SORCS2: variants seen among roughly 807,000 people sequenced by gnomAD.
SORCS2 encodes sortilin related VPS10 domain containing receptor 2.
In SORCS2, 100 loss-of-function variants were observed where a neutral mutation model predicts 141.6. The ratio of observed to expected loss-of-function variants is 0.71; its 90% CI spans 0.60 to 0.83. SORCS2 has a LOEUF of 0.83. Ranked by LOEUF, SORCS2 falls within the 40% of genes least tolerant of loss-of-function variation. The pLI is 0.00. For missense variants in SORCS2, 1,646 were observed against 1,560.2 expected (o/e 1.05, Z -0.93); for synonymous variants, 789 against 676.9 (o/e 1.17, Z -2.57).
intron 3 of SORCS2, among the ~76,000 whole-genome samples, chr4:7,633,569 A>G (rs544072888): frequency 1.5e-5 from 2 of 136,318 alleles, no homozygotes; most frequent in Non-Finnish European, 3.1e-5. Flanking sequence ...TGGTTTTGCA[A>G]TGTGAAAGAA....
At chr4:7,476,191 A>T (rs1730279573) in intron 2 of SORCS2, among the ~76,000 whole-genome samples, 2 of 152,258 alleles carry the variant, frequency 1.3e-5, no homozygotes, top group African/African-American at 4.8e-5. Context: ...AAGCTAGAGG[A>T]CAGGTACTCA....
chr4:7,512,260 T>G (rs553337461), intron 2 of SORCS2, among the ~76,000 whole-genome samples: 7 of 149,904 alleles, frequency 4.7e-5, no homozygotes, highest in Non-Finnish European at 1.0e-4. Flanking sequence ...CATCTCGAAG[T>G]CCAGCCCAGG....
At chr4:7,434,017 A>G (rs781204981) in intron 2 of SORCS2, 2 of 1,612,460 alleles carry the variant, frequency 1.2e-6, no homozygotes, top group East Asian at 2.2e-5. Context: ...ACCGGCCTTC[A>G]TCTGCATCTC....
chr4:7,282,444 A>T (rs969860697), intron 1 of SORCS2, among the ~76,000 whole-genome samples: 1 of 152,344 alleles, frequency 6.6e-6, no homozygotes, highest in Non-Finnish European at 1.5e-5. Context: ...AGAACTCAGG[A>T]TCACAGGGTA....
rs773694567 is a variant in SORCS2 at position 7,734,340 on chromosome 4, G to A, written c.3277G>A (p.Ala1093Thr). The A allele has an allele frequency of 1.4e-5, 22 of 1,588,500 alleles. No individual in the cohort carries two copies. The highest frequency in any genetic ancestry group is 3.5e-5 in the South Asian group (3 of 85,508). Residue 1093 changes from alanine to threonine, a missense_variant, in exon 25 of 27, where the codon GCA (alanine) becomes ACA (threonine). Transcript: ENST00000507866. ...VVVLFVIGLF[A>T]AGAFILYKFK... ...GGTGCTGTTTGTCATCGGGCTCTTC[G>A]CAGCGGGAGCCTTCATCCTCTACAA...
intron 9 of SORCS2, among the ~76,000 whole-genome samples, chr4:7,680,052 G>T (rs1466719885): frequency 1.3e-5 from 2 of 152,178 alleles, no homozygotes; most frequent in Admixed American, 6.6e-5. Flanking sequence ...AAGCCCTCTG[G>T]GTGATGTCCC....
intron 3 of SORCS2, among the ~76,000 whole-genome samples, chr4:7,602,946 C>T (rs1381216290): frequency 2.0e-5 from 3 of 152,250 alleles, no homozygotes; most frequent in Non-Finnish European, 4.4e-5. Context: ...CACTCGCGGT[C>T]AGGAGCTGGA....
chr4:7,263,401 C>A (rs1000668233), intron 1 of SORCS2, among the ~76,000 whole-genome samples: 1 of 151,904 alleles, frequency 6.6e-6, no homozygotes, highest in African/African-American at 2.4e-5. Context: ...AAGAAAGCAC[C>A]CGTCATTCTG....
intron 17 of SORCS2, among the ~76,000 whole-genome samples, chr4:7,717,126 T>C (rs1726243933): frequency 6.6e-6 from 1 of 152,188 alleles, no homozygotes; most frequent in South Asian, 2.1e-4. Flanking sequence ...CCACCCCTTT[T>C]AGGGATCTCC....
At chr4:7,603,768 G>A (rs1413176752) in intron 3 of SORCS2, among the ~76,000 whole-genome samples, 2 of 151,968 alleles carry the variant, frequency 1.3e-5, no homozygotes, top group African/African-American at 2.4e-5. Context: ...CCTGATCTGC[G>A]GGGATTCTCT....
At chr4:7,724,163 ATGGTGG>A (rs1046245148) in intron 19 of SORCS2, among the ~76,000 whole-genome samples, 13 of 124,340 alleles carry the variant, frequency 1.0e-4, no homozygotes, top group Admixed American at 1.5e-4. Flanking sequence ...GGTGGTGGTG[ATGGTGG>A]TGATGGTGAT....
chr4:7,503,143 G>C (rs1732073706), intron 2 of SORCS2, among the ~76,000 whole-genome samples: 1 of 152,182 alleles, frequency 6.6e-6, no homozygotes, highest in African/African-American at 2.4e-5. Flanking sequence ...CCATCTGTAT[G>C]TGTATATATG....
chr4:7,473,060 C>T (rs187868976), intron 2 of SORCS2, among the ~76,000 whole-genome samples: 20 of 152,140 alleles, frequency 1.3e-4, no homozygotes, highest in African/African-American at 4.8e-4. Flanking sequence ...CTCAGGATAT[C>T]GGCCGACCTT....
chr4:7,613,323 T>C (rs1007898933), intron 3 of SORCS2, among the ~76,000 whole-genome samples: 9 of 152,074 alleles, frequency 5.9e-5, no homozygotes, highest in Admixed American at 1.3e-4. Flanking sequence ...ATGAGAGTGA[T>C]TGAGGAAGAG....
intron 1 of SORCS2, among the ~76,000 whole-genome samples, chr4:7,349,593 C>T (rs987639694): frequency 2.0e-5 from 3 of 152,182 alleles, no homozygotes; most frequent in Non-Finnish European, 4.4e-5. Context: ...CCCTGCCTAC[C>T]GTGCTCTGGC....
chr4:7,305,827 A>T (rs1717781528), intron 1 of SORCS2, among the ~76,000 whole-genome samples: 1 of 152,142 alleles, frequency 6.6e-6, no homozygotes, highest in Admixed American at 6.5e-5. Context: ...CCCAGAGCAC[A>T]GTCCCCTCCC....
chr4:7,622,344 C>G (rs190156481), intron 3 of SORCS2, among the ~76,000 whole-genome samples: 18 of 152,312 alleles, frequency 1.2e-4, no homozygotes, highest in African/African-American at 4.1e-4. Context: ...GGCTCTGAAG[C>G]CTTTTATTCT....
At chr4:7,636,407 G>A (rs748581421) in intron 3 of SORCS2, among the ~76,000 whole-genome samples, 6 of 152,238 alleles carry the variant, frequency 3.9e-5, no homozygotes, top group Admixed American at 2.0e-4. Context: ...ATTAATGAAG[G>A]AACGAACGAA....
intron 3 of SORCS2, among the ~76,000 whole-genome samples, chr4:7,579,020 G>A (rs1379260309): frequency 6.6e-6 from 1 of 152,128 alleles, no homozygotes; most frequent in East Asian, 1.9e-4. Flanking sequence ...TGGGATGTGT[G>A]AATGGGCAGA....
Sources: allele counts gnomAD v4.1 joint callset (sites outside exome capture counted in the v4.1 genomes callset), GRCh38; gene constraint gnomAD v4.1.1; transcripts MANE v1.5; gene names NCBI Gene and HGNC (gene_info 2026-07-23, HGNC 2026-07-21).